The following SLC4A10 variants were observed in gnomAD, a reference collection of about 807,000 sequenced individuals.
The protein encoded by SLC4A10 is solute carrier family 4 member 10.
SLC4A10 carries 42 observed loss-of-function variants against 137.7 expected under a neutral mutation model. The ratio of observed to expected loss-of-function variants is 0.30; its 90% CI spans 0.24 to 0.39. SLC4A10 has a LOEUF of 0.39. Ranked by LOEUF, SLC4A10 falls within the 10% of genes least tolerant of loss-of-function variation. The pLI, the probability that SLC4A10 is intolerant of heterozygous loss-of-function variation, is 1.00. For missense variants in SLC4A10, 925 were observed against 1,355.0 expected, an observed-to-expected ratio of 0.68 and a Z score of 4.98; for synonymous variants, 474 against 464.1, an observed-to-expected ratio of 1.02 and a Z score of -0.27.
intron 2 of SLC4A10, among the ~76,000 whole-genome samples, chr2:161,791,758 A>G (rs933187581): frequency 2.6e-5 from 4 of 152,130 alleles, no homozygotes; most frequent in Non-Finnish European, 5.9e-5. Context: ...TTGATATATA[A>G]TTGATTTCTG....
rs536862144 is a variant in SLC4A10 at position 161,834,041 on chromosome 2, A to G, written c.278-5748A>G. Among the ~76,000 whole-genome samples, 88 of 152,330 alleles carry G rather than the reference A, an allele frequency of 5.8e-4. 1 individual carries two copies. The highest frequency in any genetic ancestry group is 1.6e-3 in the Admixed American group (24 of 15,302). The stretch of plus-strand genomic sequence containing the variant: ...ATTGAAAAATCAGTGTTCCACCATG[A>G]CCATTTCTGGGCATAATGCGTTATT... On this transcript the variant is annotated intron_variant, in intron 3 of 26. Transcript: ENST00000446997.
intron 1 of SLC4A10, among the ~76,000 whole-genome samples, chr2:161,695,963 G>A (rs969119734): frequency 5.3e-5 from 8 of 152,014 alleles, no homozygotes; most frequent in Admixed American, 1.3e-4. Flanking sequence ...TGCACAACGT[G>A]CAGGTTTGTT....
At chr2:161,907,443 T>A (rs752639542) in intron 15 of SLC4A10, among the ~76,000 whole-genome samples, 11 of 152,196 alleles carry the variant, frequency 7.2e-5, no homozygotes, top group Non-Finnish European at 1.5e-4. Flanking sequence ...GATTTTCAAA[T>A]CTACTACATG....
At chr2:161,728,740 C>A (rs2046503605) in intron 1 of SLC4A10, among the ~76,000 whole-genome samples, 1 of 152,196 alleles carries the variant, frequency 6.6e-6, no homozygotes, top group Middle Eastern at 3.4e-3. Context: ...ACCAAAATCA[C>A]ACAAAGGCAA....
intron 3 of SLC4A10, among the ~76,000 whole-genome samples, chr2:161,834,912 G>A (rs2058668445): frequency 6.6e-6 from 1 of 152,198 alleles, no homozygotes; most frequent in African/African-American, 2.4e-5. Context: ...TAGCTGGCCT[G>A]GAGGCCCTGT....
intron 3 of SLC4A10, among the ~76,000 whole-genome samples, chr2:161,812,948 A>G (rs147014994): frequency 2.6e-5 from 4 of 151,982 alleles, no homozygotes; most frequent in Non-Finnish European, 4.4e-5. Flanking sequence ...TACTTTTATT[A>G]TGAGTTTTGG....
chr2:161,801,609 C>G (rs2055370346), intron 2 of SLC4A10, among the ~76,000 whole-genome samples: 1 of 152,076 alleles, frequency 6.6e-6, no homozygotes, highest in South Asian at 2.1e-4. Context: ...GCCACCTACA[C>G]TTTTGACGCT....
intron 3 of SLC4A10, among the ~76,000 whole-genome samples, chr2:161,814,381 G>T (rs559781117): frequency 6.6e-6 from 1 of 152,206 alleles, no homozygotes; most frequent in East Asian, 1.9e-4. Flanking sequence ...ATTTCTCGAA[G>T]AACTTAAAAC....
intron 19 of SLC4A10, among the ~76,000 whole-genome samples, chr2:161,953,695 C>T (rs1695189306): frequency 6.6e-6 from 1 of 152,124 alleles, no homozygotes; most frequent in Non-Finnish European, 1.5e-5. Flanking sequence ...TTACTACTCC[C>T]GAAGAATGGG....
intron 3 of SLC4A10, among the ~76,000 whole-genome samples, chr2:161,833,170 G>T (rs1467932337): frequency 6.6e-6 from 1 of 152,212 alleles, no homozygotes; most frequent in African/African-American, 2.4e-5. Context: ...CTTGGAAAAT[G>T]AGTGAGGTGG....
chr2:161,685,109 AT>A (rs769701082), intron 1 of SLC4A10, among the ~76,000 whole-genome samples: 6 of 152,136 alleles, frequency 3.9e-5, no homozygotes, highest in Non-Finnish European at 8.8e-5. Context: ...ATTTTGCTAG[AT>A]TCAGGGTGAT....
chr2:161,837,030 C>A (rs1449057781), intron 3 of SLC4A10, among the ~76,000 whole-genome samples: 1 of 152,156 alleles, frequency 6.6e-6, no homozygotes, highest in Non-Finnish European at 1.5e-5. Flanking sequence ...TCATGAAAGA[C>A]TGTTTTCCCC....
At chr2:161,765,700 A>C (rs2050733363) in intron 1 of SLC4A10, among the ~76,000 whole-genome samples, 1 of 152,010 alleles carries the variant, frequency 6.6e-6, no homozygotes, top group Non-Finnish European at 1.5e-5. Context: ...TCTTCCTTAC[A>C]CAGTGCTAAA....
At chr2:161,789,589 A>G (rs1226249526) in intron 2 of SLC4A10, among the ~76,000 whole-genome samples, 1 of 152,200 alleles carries the variant, frequency 6.6e-6, no homozygotes, top group Non-Finnish European at 1.5e-5. Flanking sequence ...AGGCTACTAT[A>G]TCACTAGGTG....
At chr2:161,877,230 A>G (rs1481734473) in intron 8 of SLC4A10, among the ~76,000 whole-genome samples, 1 of 152,120 alleles carries the variant, frequency 6.6e-6, no homozygotes, top group Non-Finnish European at 1.5e-5. Flanking sequence ...AAATGAGTTT[A>G]TAGAATTTTC....
chr2:161,771,532 C>T (rs2125421892), intron 2 of SLC4A10, among the ~76,000 whole-genome samples: 1 of 151,896 alleles, frequency 6.6e-6, no homozygotes, highest in South Asian at 2.1e-4. Context: ...CGGTGGTTAA[C>T]TGTATGGGTT....
intron 2 of SLC4A10, among the ~76,000 whole-genome samples, chr2:161,795,209 A>G (rs961017253): frequency 1.3e-5 from 2 of 151,964 alleles, no homozygotes; most frequent in African/African-American, 4.8e-5. Flanking sequence ...GTTTTTGACT[A>G]TTTCAGCCTA....
At chr2:161,652,012 G>C (rs1460351878) in intron 1 of SLC4A10, among the ~76,000 whole-genome samples, 4 of 152,224 alleles carry the variant, frequency 2.6e-5, no homozygotes, top group Non-Finnish European at 2.9e-5. Flanking sequence ...ATCACTTGGT[G>C]ATGTTAATCT....
At chr2:161,876,768 G>A (rs561037111) in intron 8 of SLC4A10, among the ~76,000 whole-genome samples, 4 of 152,084 alleles carry the variant, frequency 2.6e-5, no homozygotes, top group African/African-American at 7.2e-5. Context: ...ACAAAATATA[G>A]GGTTGCCCCA....
Sources: allele counts gnomAD v4.1 joint callset (sites outside exome capture counted in the v4.1 genomes callset), GRCh38; gene constraint gnomAD v4.1.1; transcripts MANE v1.5; gene names NCBI Gene and HGNC (gene_info 2026-07-23, HGNC 2026-07-21).